Variants in LAMA2 observed in about 807,000 individuals in gnomAD.
LAMA2 encodes laminin subunit alpha-2.
A neutral mutation model predicts 364.8 loss-of-function variants in LAMA2; 269 were observed. The ratio of observed to expected loss-of-function variants is 0.74; its 90% CI spans 0.67 to 0.82. The LOEUF (loss-of-function observed/expected upper bound fraction) is 0.82, where lower values mean the gene tolerates loss of function less well. Ranked by LOEUF, LAMA2 falls within the 40% of genes least tolerant of loss-of-function variation. The pLI, the probability that LAMA2 is intolerant of heterozygous loss-of-function variation, is 0.00. For synonymous variants in LAMA2, 1,379 were observed against 1,370.6 expected, an observed-to-expected ratio of 1.01 and a Z score of -0.14; for missense variants, 3,807 against 3,873.2, an observed-to-expected ratio of 0.98 and a Z score of 0.45.
intron 40 of LAMA2, among the ~76,000 whole-genome samples, chr6:129,424,173 C>T (rs1366480297): frequency 6.6e-6 from 1 of 151,198 alleles, no homozygotes; most frequent in Non-Finnish European, 1.5e-5. Flanking sequence ...TGAACAACAA[C>T]AAAAAAAATG....
At chr6:129,356,715 G>T (rs999179296) in intron 32 of LAMA2, among the ~76,000 whole-genome samples, 1 of 151,954 alleles carries the variant, frequency 6.6e-6, no homozygotes, top group Non-Finnish European at 1.5e-5. Flanking sequence ...CATGTTTAGA[G>T]CCCATTCTAC....
intron 12 of LAMA2, among the ~76,000 whole-genome samples, chr6:129,219,786 A>G (rs1019178506): frequency 1.4e-4 from 16 of 114,278 alleles, no homozygotes; most frequent in African/African-American, 2.6e-4. Flanking sequence ...ATGAGAACAC[A>G]TGGACACAGG....
At chr6:128,977,025 T>C (rs985600480) in intron 1 of LAMA2, among the ~76,000 whole-genome samples, 2 of 152,204 alleles carry the variant, frequency 1.3e-5, no homozygotes, top group African/African-American at 2.4e-5. Flanking sequence ...ATGGATATAT[T>C]TTATTCTGCT....
At chr6:128,901,734 A>G (rs1049062757) in intron 1 of LAMA2, among the ~76,000 whole-genome samples, 3 of 152,232 alleles carry the variant, frequency 2.0e-5, no homozygotes, top group African/African-American at 7.2e-5. Context: ...GCTAATCACT[A>G]AACAGAAATT....
chr6:129,180,177 G>A (rs1195680195), intron 10 of LAMA2, among the ~76,000 whole-genome samples: 1 of 151,980 alleles, frequency 6.6e-6, no homozygotes, highest in African/African-American at 2.4e-5. Context: ...AAAACAGCAT[G>A]GATCAAAATG....
intron 1 of LAMA2, among the ~76,000 whole-genome samples, chr6:128,917,706 T>TTTTCTTTCTTTCTTTCTTTCTTTC (rs5879915): frequency 2.0e-5 from 2 of 98,366 alleles, no homozygotes; most frequent in African/African-American, 7.9e-5. Flanking sequence ...TTTCTTTTTT[T>TTTTCTTTCTTTCTTTCTTTCTTTC]TTTCTTTCTT....
At chr6:128,929,615 C>T (rs1412127275) in intron 1 of LAMA2, 22 of 1,378,234 alleles carry the variant, frequency 1.6e-5, no homozygotes, top group Non-Finnish European at 2.3e-5. Context: ...AGCGCTTCCA[C>T]GATGCTGACC....
At chr6:129,445,193 C>T (rs1304263741) in intron 44 of LAMA2, among the ~76,000 whole-genome samples, 1 of 152,098 alleles carries the variant, frequency 6.6e-6, no homozygotes, top group Non-Finnish European at 1.5e-5. Flanking sequence ...TTGATAGCTT[C>T]TCTCTTTAAG....
chr6:129,512,636 T>G, intron 63 of LAMA2, 143 bp downstream of exon 63: 1 of 942,220 alleles, frequency 1.1e-6, no homozygotes, highest in Non-Finnish European at 1.7e-6. Flanking sequence ...GTTTTCATCC[T>G]TCTGGATTAC....
chr6:129,125,495 A>G (rs1218763804), intron 4 of LAMA2, among the ~76,000 whole-genome samples: 1 of 152,188 alleles, frequency 6.6e-6, no homozygotes. Flanking sequence ...TTGTAAAACC[A>G]AGGAGCAAGC....
chr6:129,096,087 T>G (rs1333704086), intron 3 of LAMA2, among the ~76,000 whole-genome samples: 1 of 152,244 alleles, frequency 6.6e-6, no homozygotes, highest in Admixed American at 6.5e-5. Flanking sequence ...ACTCTATCTG[T>G]GCATTTTATA....
intron 20 of LAMA2, among the ~76,000 whole-genome samples, chr6:129,293,704 GCTGCAGAA>G (rs1292506220): frequency 6.6e-5 from 1 of 15,078 alleles, no homozygotes; most frequent in African/African-American, 1.3e-4. Flanking sequence ...CCCAGGCTGA[GCTGCAGAA>G]GAGTAGGAGA....
intron 10 of LAMA2, among the ~76,000 whole-genome samples, chr6:129,184,309 A>T (rs888981793): frequency 3.9e-5 from 6 of 151,956 alleles, no homozygotes; most frequent in Admixed American, 2.6e-4. Flanking sequence ...TAAATTACAG[A>T]TGTAGAATTT....
intron 17 of LAMA2, among the ~76,000 whole-genome samples, chr6:129,276,021 G>A (rs1322284353): frequency 1.3e-5 from 2 of 152,090 alleles, no homozygotes; most frequent in African/African-American, 2.4e-5. Context: ...GAATAAGTAG[G>A]AGAGATCATT....
intron 62 of LAMA2, 126 bp downstream of exon 62, chr6:129,507,768 A>G: frequency 4.2e-6 from 4 of 953,712 alleles, no homozygotes; most frequent in Non-Finnish European, 6.6e-6. Flanking sequence ...CCAAAAAGAA[A>G]CTTATGGAAG....
At chr6:129,454,088 C>G (rs1782830507) in intron 46 of LAMA2, 67 bp from the exon 47 acceptor site, 1 of 1,371,820 alleles carries the variant, frequency 7.3e-7, no homozygotes, top group African/African-American at 1.4e-5. Flanking sequence ...GAAAAACACT[C>G]TGCTGGTCTC....
At chr6:129,137,303 C>T (rs1777851836) in intron 4 of LAMA2, among the ~76,000 whole-genome samples, 1 of 151,318 alleles carries the variant, frequency 6.6e-6, no homozygotes, top group Non-Finnish European at 1.5e-5. Flanking sequence ...TAATTCAGTG[C>T]CCTACATGCT....
intron 17 of LAMA2, among the ~76,000 whole-genome samples, chr6:129,271,908 A>T (rs1179695169): frequency 1.3e-5 from 2 of 152,142 alleles, no homozygotes; most frequent in Non-Finnish European, 2.9e-5. Context: ...CTTTTGTTAG[A>T]TTCAATGAAT....
intron 1 of LAMA2, among the ~76,000 whole-genome samples, chr6:128,940,810 G>A (rs763226970): frequency 4.6e-5 from 7 of 152,084 alleles, no homozygotes; most frequent in Non-Finnish European, 1.0e-4. Flanking sequence ...AATTAGTTGA[G>A]CATGGTAGTA....
Sources: gnomAD v4.1 joint callset for allele counts (sites outside exome capture counted in the v4.1 genomes callset) on GRCh38, gnomAD v4.1.1 for gene constraint, MANE v1.5 for transcripts, NCBI Gene and HGNC (gene_info 2026-07-23, HGNC 2026-07-21) for gene names.